The following LHX3 variants were observed in gnomAD, a reference collection of about 807,000 sequenced individuals.
LHX3 encodes LIM/homeobox protein Lhx3.
In LHX3, 21 loss-of-function variants were observed where a neutral mutation model predicts 32.4. The ratio of observed to expected loss-of-function variants is 0.65; its 90% CI spans 0.46 to 0.93. The LOEUF is 0.93. Among genes scored for constraint, LHX3 ranks in the 40% least tolerant of loss-of-function variants. The probability of loss-of-function intolerance (pLI) is 0.00; values close to 1 mark genes in which losing one functional copy is unlikely to be tolerated. For synonymous variants in LHX3, 258 were observed against 246.8 expected (o/e 1.05, Z -0.43); for missense variants, 626 against 560.0 (o/e 1.12, Z -1.19).
At chr9:136,202,935 C>G (rs1324358711) in intron 1 of LHX3, 2 of 1,532,176 alleles carry the variant, frequency 1.3e-6, no homozygotes, top group Non-Finnish European at 1.7e-6. Flanking sequence ...CCACTCGGCC[C>G]GGGCACCCAC....
chr9:136,202,292 C>T (rs932037937), intron 1 of LHX3, among the ~76,000 whole-genome samples: 4 of 152,224 alleles, frequency 2.6e-5, no homozygotes, highest in Non-Finnish European at 5.9e-5. Flanking sequence ...TCCCCACTGG[C>T]TCCGGGGCCT....
intron 5 of LHX3, 45 bp from the exon 6 acceptor site, chr9:136,197,788 C>A (rs370020239): frequency 3.1e-6 from 5 of 1,590,280 alleles, no homozygotes; most frequent in African/African-American, 2.7e-5. Flanking sequence ...CCTCCACCTG[C>A]GGCCCCTCAG....
chr9:136,203,231 G>GGCC (rs2131040287), intron 1 of LHX3: 1 of 672,616 alleles, frequency 1.5e-6, no homozygotes, highest in Admixed American at 6.0e-5. Flanking sequence ...GGGGCCGCGG[G>GGCC]GCGGGGCGGG....
intron 1 of LHX3, among the ~76,000 whole-genome samples, chr9:136,202,339 C>T (rs1433873973): frequency 6.6e-6 from 1 of 151,676 alleles, no homozygotes; most frequent in Non-Finnish European, 1.5e-5. Flanking sequence ...GCCCGGGAGT[C>T]GAGGAGAACT....
chr9:136,199,998 G>C, intron 2 of LHX3, 118 bp from the exon 3 acceptor site: 3 of 1,085,350 alleles, frequency 2.8e-6, no homozygotes, highest in Non-Finnish European at 4.1e-6. Context: ...GGCTCTGTCC[G>C]GCCCTGCAGG....
At position 136,197,725 on chromosome 9, in the gene LHX3, T is replaced by C. The variant is rs1393396854; in HGVS notation, c.794A>G (p.Glu265Gly). Residue 265 changes from glutamate (E) to glycine (G), a missense_variant, in exon 6 of 6, where the codon GAA becomes GGA. Physicochemically the swap from Glu to Gly is moderately conservative, Grantham distance 98 (BLOSUM62 -2). Transcript: ENST00000371748. ...GTAGAGGCCATTGGCCGGGCCCATT[T>C]CCGCCAAGGAAGGCTCATCTGCAAC... The part of the protein sequence containing the change: ...VSFPDEPSLA[E>G]MGPANGLYGS... 1 of 1,603,256 alleles carries C rather than the reference T, an allele frequency of 6.2e-7. No individual in the cohort carries two copies.
rs1320956101 is a variant in LHX3 at position 136,196,479 on chromosome 9, G to GA, written c.*845dup. On this transcript the variant is annotated 3_prime_UTR_variant, in exon 6 of 6. Coordinates refer to ENST00000371748, the MANE Select transcript of LHX3 (RefSeq NM_178138.6). ...TGATGGAGGAGGCAGGGCAGGCTCA[G>GA]AGGAGCCCCACCCTTCTCCAGCGGG... 2 of 152,754 alleles carry GA rather than the reference G, an allele frequency of 1.3e-5. No homozygotes were observed. Among genetic ancestry groups the GA allele is most frequent in the Non-Finnish European group, 2.9e-5 (2 of 68,062 alleles). The allele number at this position is 152,754 out of a possible 1,614,324, so 9.5% of individuals were successfully genotyped here.
intron 2 of LHX3, 197 bp from the exon 3 acceptor site, chr9:136,200,077 A>G: frequency 1.4e-6 from 1 of 695,016 alleles, no homozygotes; most frequent in Non-Finnish European, 2.6e-6. Flanking sequence ...CAATCTCAGA[A>G]AGACCTCGGG....
rs569536109 is a variant in LHX3, at chr9:136,196,818, G to A, written c.*507C>T. 6.0e-6 allele frequency: 1 copy of A among 165,846 alleles called. No individual in the cohort carries two copies. The highest frequency in any genetic ancestry group is 1.3e-5 in the Non-Finnish European group (1 of 76,958). The allele number at this position is 165,846 out of a possible 1,614,324, so 10.3% of individuals were successfully genotyped here. A position where few individuals can be genotyped will look rare whatever the true frequency, so the allele number is the denominator to read the frequency against. On this transcript the variant is annotated 3_prime_UTR_variant, in exon 6 of 6. Coordinates refer to ENST00000371748, the MANE Select transcript of LHX3 (RefSeq NM_178138.6). ...GAGGGGGCCTCTCCCGGAGGACACA[G>A]GTGTGTCCCCGCCTCTGCAGCCTCT...
In LHX3 at chr9:136,197,295, T is replaced by G; in HGVS notation, c.*30A>C. 3 of 1,605,908 alleles carry G rather than the reference T, an allele frequency of 1.9e-6. No individual in the cohort carries two copies. Among genetic ancestry groups the G allele is most frequent in the Non-Finnish European group, 2.6e-6 (3 of 1,175,450 alleles). On this transcript the variant is annotated 3_prime_UTR_variant, in exon 6 of 6. Coordinates refer to ENST00000371748, the MANE Select transcript of LHX3 (RefSeq NM_178138.6). Reference sequence around the variant, plus strand: ...CGCCCACCCAGGGGCAGCTCCCTCGTGTGAGGTGCAGGGTGGAGCCGGGCC... The same window carrying G: ...CGCCCACCCAGGGGCAGCTCCCTCGGGTGAGGTGCAGGGTGGAGCCGGGCC...
intron 1 of LHX3, among the ~76,000 whole-genome samples, chr9:136,202,244 T>C (rs1831657995): frequency 6.6e-6 from 1 of 151,984 alleles, no homozygotes; most frequent in Admixed American, 6.5e-5. Flanking sequence ...CCCCACAGCC[T>C]GGATGTAACC....
rs1336591952 is a variant in LHX3 at position 136,197,540 on chromosome 9, G to C, written c.979C>G (p.Leu327Val). The change falls in exon 6 of 6, where the codon CTC becomes GTC. Residue 327 changes from leucine (L) to valine (V), a missense_variant. Physicochemically the swap from Leu to Val is conservative, Grantham distance 32. Coordinates refer to ENST00000371748, the MANE Select transcript of LHX3 (RefSeq NM_178138.6). ...GAGAGGAGGGGCTGGGGGCCAGGGA[G>C]GCTCTGCGGGGCGGCGGGGGATGGG... ...VPPSPAAPQS[L>V]PGPQPLLSSL... is the part of the protein sequence containing the mutation. The C allele has an allele frequency of 6.5e-7, 1 of 1,529,834 alleles. No individual in the cohort carries two copies. The highest frequency in any genetic ancestry group is 1.4e-5 in the African/African-American group (1 of 72,784). 94.8% of individuals were successfully genotyped at this position (1,529,834 alleles called of 1,614,324 possible). A position where few individuals can be genotyped will look rare whatever the true frequency, so the allele number is the denominator to read the frequency against.
chr9:136,203,726 TCCTGGACACG>T lies in LHX3; in HGVS notation c.79+1198_79+1207del, dbSNP rs1290923073. On this transcript the variant is annotated intron_variant, in intron 1 of 5. Transcript: ENST00000371748. ...TCCTTGAGAGAGAACAGGCTCTGTG[TCCTGGACACG>T]CAGCCAAGACCTCGGGTCGTGAGGG... is the stretch of plus-strand genomic sequence containing the variant. Among the ~76,000 whole-genome samples, 6 of 152,270 alleles carry T rather than the reference TCCTGGACACG, an allele frequency of 3.9e-5. No homozygotes were observed. In the South Asian group the frequency reaches 1.0e-3, roughly 26 times the overall value.
At position 136,203,373 on chromosome 9, in the gene LHX3, G is replaced by A. The variant is rs552189936; in HGVS notation, c.79+1561C>T. Among the ~76,000 whole-genome samples, 86 of 152,242 alleles carry A rather than the reference G, an allele frequency of 5.6e-4. 2 individuals carry two copies. In the South Asian group the frequency reaches 0.016, roughly 29 times the overall value. ...CACCGGTAAGGGAGGGCCCAGGTCA[G>A]GGCTTCCCGCCAGCGTTCGTCCCGG... On this transcript the variant is annotated intron_variant, in intron 1 of 5. Transcript: ENST00000371748.
In LHX3 at chr9:136,200,097, C is replaced by T. The variant is rs142689294; in HGVS notation, c.252-217G>A. 634 of 678,230 alleles carry T rather than the reference C, an allele frequency of 9.3e-4. 1 individual carries two copies. In the African/African-American group the frequency reaches 9.7e-3, roughly 10 times the overall value. 42.0% of individuals were successfully genotyped at this position (678,230 alleles called of 1,614,324 possible). A position where few individuals can be genotyped will look rare whatever the true frequency, so the allele number is the denominator to read the frequency against. ...TCAGAAAGACCTCGGGGAGCCCAGC[C>T]GCCATTGCCTGCAGGACCCATGCTG... is the stretch of plus-strand genomic sequence containing the variant. On this transcript the variant is annotated intron_variant, in intron 2 of 5. Transcript: ENST00000371748.
chr9:136,198,542 A>G, intron 5 of LHX3, 110 bp downstream of exon 5: 1 of 1,214,210 alleles, frequency 8.2e-7, no homozygotes, highest in East Asian at 2.6e-5. Context: ...GTAGAACTTA[A>G]GGAGTCCACT....
chr9:136,197,560 G>C lies in LHX3; in HGVS notation c.959C>G (p.Ser320Cys). 1 of 1,520,556 alleles carries C rather than the reference G, an allele frequency of 6.6e-7. No individual in the cohort carries two copies. The highest frequency in any genetic ancestry group is 8.9e-7 in the Non-Finnish European group (1 of 1,126,036). 94.2% of individuals were successfully genotyped at this position (1,520,556 alleles called of 1,614,324 possible). A position where few individuals can be genotyped will look rare whatever the true frequency, so the allele number is the denominator to read the frequency against. Residue 320 changes from serine (S) to cysteine (C), a missense_variant, in exon 6 of 6, where the codon TCC becomes TGC. Coordinates refer to ENST00000371748, the MANE Select transcript of LHX3 (RefSeq NM_178138.6). ...AGGGAGGCTCTGCGGGGCGGCGGGG[G>C]ATGGGGGGACACCGTAGGGGCTGCC... Reference protein sequence around the residue: ...RPGSPYGVPPSPAAPQSLPGP... With the variant: ...RPGSPYGVPPCPAAPQSLPGP...
Position 136,198,731 on chromosome 9 carries a change from C to T in LHX3, c.696G>A (p.Lys232=), listed in dbSNP as rs1225345461. Residue 232 remains lysine (K), a synonymous_variant, in exon 5 of 6, where the codon AAG becomes AAA. Transcript: ENST00000371748. ...QRWGQYFRNM[K]RSRGGSKSDK... is the part of the protein sequence containing the mutation. ...CCGACTTGGAGCCGCCGCGGGAGCGCTTCATGTTGCGGAAATACTGCCCCC... is the reference window on the plus strand; with the variant it reads ...CCGACTTGGAGCCGCCGCGGGAGCGTTTCATGTTGCGGAAATACTGCCCCC... 4 of 1,611,656 alleles carry T rather than the reference C, an allele frequency of 2.5e-6. No homozygotes were observed. Among genetic ancestry groups the T allele is most frequent in the Non-Finnish European group, 3.4e-6 (4 of 1,179,834 alleles).
Position 136,199,828 on chromosome 9 carries a change from C to A in LHX3, c.304G>T (p.Val102Leu). The change falls in exon 3 of 6, where the codon GTG (valine) becomes TTG (leucine). Residue 102 changes from valine to leucine, a missense_variant. Transcript: ENST00000371748. The part of the protein sequence containing the change: ...ACQLGIPPTQ[V>L]VRRAQDFVYH... Reference sequence around the variant, plus strand: ...ACGAAGTCCTGGGCGCGGCGCACCACCTGCGTGGGCGGGATGCCCAGCTGG... The same window carrying A: ...ACGAAGTCCTGGGCGCGGCGCACCAACTGCGTGGGCGGGATGCCCAGCTGG... 1 of 1,609,996 alleles carries A rather than the reference C, an allele frequency of 6.2e-7. No individual in the cohort carries two copies. The highest frequency in any genetic ancestry group is 8.5e-7 in the Non-Finnish European group (1 of 1,178,468).
Sources: gnomAD v4.1 joint callset for allele counts (sites outside exome capture counted in the v4.1 genomes callset) on GRCh38, gnomAD v4.1.1 for gene constraint, MANE v1.5 for transcripts, NCBI Gene and HGNC (gene_info 2026-07-23, HGNC 2026-07-21) for gene names.